ARK2N: variants seen among roughly 807,000 people sequenced by gnomAD.
ARK2N encodes the protein arkadia (RNF111) N-terminal like PKA signaling regulator 2N.
chr18:46,206,963 A>G, the ARK2N span, among the ~76,000 whole-genome samples: 12 of 152,068 alleles, frequency 7.9e-5, no homozygotes, highest in Admixed American at 6.6e-4. Context: ...TTTTGTAGAG[A>G]CAGGGTCTCA....
At chr18:46,258,985 T>A in the ARK2N span, among the ~76,000 whole-genome samples, 1 of 152,104 alleles carries the variant, frequency 6.6e-6, no homozygotes, top group Non-Finnish European at 1.5e-5. Context: ...AGCACCCTTC[T>A]GTTTACTAGA....
chr18:46,259,156 AT>A, the ARK2N span, among the ~76,000 whole-genome samples: 1 of 152,184 alleles, frequency 6.6e-6, no homozygotes, highest in Non-Finnish European at 1.5e-5. Context: ...CAGATAACTA[AT>A]AACGTACCTT....
At chr18:46,244,973 G>T in the ARK2N span, among the ~76,000 whole-genome samples, 1 of 151,784 alleles carries the variant, frequency 6.6e-6, no homozygotes, top group African/African-American at 2.4e-5. Flanking sequence ...CAGCTCTGTC[G>T]CTCAGGCTGG....
the ARK2N span, among the ~76,000 whole-genome samples, chr18:46,255,405 T>TTTTTC: frequency 0.011 from 1,676 of 148,748 alleles, 12 homozygotes; most frequent in East Asian, 0.023. Flanking sequence ...TTTCTTTTTC[T>TTTTTC]TTTTCTTTTC....
chr18:46,174,996 C>G, the ARK2N span, among the ~76,000 whole-genome samples: 4 of 152,208 alleles, frequency 2.6e-5, no homozygotes, highest in African/African-American at 9.6e-5. Flanking sequence ...CAAAATAGAC[C>G]GCTTCTGGGG....
chr18:46,253,580 A>C, the ARK2N span: 1 of 1,302,096 alleles, frequency 7.7e-7, no homozygotes, highest in African/African-American at 1.5e-5. Flanking sequence ...AAGCTCTCAC[A>C]GGGTGATTCT....
chr18:46,181,693 C>T, the ARK2N span, among the ~76,000 whole-genome samples: 20 of 152,024 alleles, frequency 1.3e-4, no homozygotes, highest in African/African-American at 3.6e-4. Flanking sequence ...CCAGCCTGGG[C>T]GACAGAGCGA....
the ARK2N span, among the ~76,000 whole-genome samples, chr18:46,240,735 C>A: frequency 2.0e-5 from 3 of 152,194 alleles, no homozygotes; most frequent in Non-Finnish European, 4.4e-5. Context: ...GAAAAAAAAT[C>A]TCTGTCCCTG....
At chr18:46,195,344 C>A in the ARK2N span, among the ~76,000 whole-genome samples, 173 of 136,402 alleles carry the variant, frequency 1.3e-3, 1 homozygote, top group African/African-American at 4.3e-3. Context: ...TCATAGCTTA[C>A]TACAGCCTGG....
At chr18:46,238,442 T>C in the ARK2N span, among the ~76,000 whole-genome samples, 1 of 152,202 alleles carries the variant, frequency 6.6e-6, no homozygotes, top group South Asian at 2.1e-4. Context: ...GCAGCTTTCT[T>C]TTCTTTTTTT....
the ARK2N span, among the ~76,000 whole-genome samples, chr18:46,226,968 C>T: frequency 1.3e-5 from 2 of 151,896 alleles, no homozygotes; most frequent in Non-Finnish European, 2.9e-5. Context: ...CCACCATGCC[C>T]AGCTAATTTT....
At chr18:46,233,101 G>GT in the ARK2N span, among the ~76,000 whole-genome samples, 38 of 151,948 alleles carry the variant, frequency 2.5e-4, no homozygotes, top group East Asian at 6.6e-3. Context: ...ATTATTTTTA[G>GT]TTTTTTTGGT....
At chr18:46,184,592 T>C in the ARK2N span, among the ~76,000 whole-genome samples, 1,744 of 152,184 alleles carry the variant, frequency 0.011, 61 homozygotes, top group East Asian at 0.12. Context: ...CTTGGTGGCA[T>C]GCGGCTGTAG....
chr18:46,252,061 C>T, the ARK2N span, among the ~76,000 whole-genome samples: 1 of 151,988 alleles, frequency 6.6e-6, no homozygotes, highest in East Asian at 2.0e-4. Context: ...GGTGTGGTGG[C>T]GTGCGCCTGT....
At chr18:46,234,014 G>A in the ARK2N span, among the ~76,000 whole-genome samples, 5 of 152,074 alleles carry the variant, frequency 3.3e-5, no homozygotes, top group East Asian at 5.8e-4. Flanking sequence ...CTTTTTTCTG[G>A]AAATGGCCCT....
the ARK2N span, among the ~76,000 whole-genome samples, chr18:46,208,613 G>A: frequency 1.3e-4 from 20 of 152,034 alleles, no homozygotes; most frequent in African/African-American, 4.8e-4. Flanking sequence ...GGGATTACAG[G>A]CATGTGCCAC....
chr18:46,221,982 A>C, the ARK2N span, among the ~76,000 whole-genome samples: 10 of 152,348 alleles, frequency 6.6e-5, no homozygotes, highest in South Asian at 2.1e-3. Context: ...TAATCAGGTA[A>C]AAACTGTCTA....
chr18:46,197,062 C>G, the ARK2N span, among the ~76,000 whole-genome samples: 1 of 152,098 alleles, frequency 6.6e-6, no homozygotes, highest in Non-Finnish European at 1.5e-5. Context: ...TTATTAGAAG[C>G]AAGCCATCAA....
the ARK2N span, among the ~76,000 whole-genome samples, chr18:46,262,460 G>T: frequency 2.0e-5 from 3 of 152,158 alleles, no homozygotes; most frequent in East Asian, 1.9e-4. Context: ...CTGTGAAAGG[G>T]TATTACTGTC....
Sources: allele counts gnomAD v4.1 joint callset (sites outside exome capture counted in the v4.1 genomes callset), GRCh38; gene constraint gnomAD v4.1.1; transcripts MANE v1.5; gene names NCBI Gene and HGNC (gene_info 2026-07-23, HGNC 2026-07-21).